The following SFSWAP variants were observed in gnomAD, a reference collection of about 807,000 sequenced individuals.
SFSWAP encodes splicing factor, suppressor of white-apricot homolog.
Under a neutral mutation model 100.7 loss-of-function variants are expected in SFSWAP, and 17 were observed. That is an observed-to-expected ratio of 0.17 (90% confidence interval 0.12 to 0.25). The LOEUF (loss-of-function observed/expected upper bound fraction) is 0.25. SFSWAP is among the 10% of genes least tolerant of loss of function. SFSWAP has a pLI of 1.00. For missense variants in SFSWAP, 1,005 were observed against 1,262.6 expected (o/e 0.80, Z 3.09); for synonymous variants, 504 against 510.1 (o/e 0.99, Z 0.16).
At chr12:131,732,203 C>T (rs1031699660) in intron 7 of SFSWAP, among the ~76,000 whole-genome samples, 1 of 152,160 alleles carries the variant, frequency 6.6e-6, no homozygotes, top group African/African-American at 2.4e-5. Flanking sequence ...GCCACCGCAC[C>T]CAGCCGTGTT....
At chr12:131,715,091 G>T in intron 3 of SFSWAP, 138 bp downstream of exon 3, 1 of 760,144 alleles carries the variant, frequency 1.3e-6, no homozygotes, top group Non-Finnish European at 2.1e-6. Context: ...AAACGGGAGT[G>T]ATATTCCTTC....
intron 7 of SFSWAP, among the ~76,000 whole-genome samples, chr12:131,739,380 A>G (rs989722441): frequency 1.3e-5 from 2 of 152,144 alleles, no homozygotes; most frequent in African/African-American, 4.8e-5. Flanking sequence ...AACCATTTAA[A>G]ATGATTTGAA....
At chr12:131,712,648 T>G (rs1877485576) in intron 1 of SFSWAP, 1 of 152,216 alleles carries the variant, frequency 6.6e-6, no homozygotes, top group Non-Finnish European at 1.5e-5. Flanking sequence ...CCTTTTGGAA[T>G]TAGAGCTCGA....
intron 16 of SFSWAP, 101 bp from the exon 17 acceptor site, chr12:131,798,936 C>G (rs1858918677): frequency 2.5e-6 from 2 of 797,104 alleles, no homozygotes; most frequent in Non-Finnish European, 4.4e-6. Flanking sequence ...GGGCACTTCT[C>G]AGTTCTAGAG....
chr12:131,798,079 A>G (rs150959939), intron 16 of SFSWAP, among the ~76,000 whole-genome samples: 2,431 of 152,262 alleles, frequency 0.016, 69 homozygotes, highest in African/African-American at 0.052. Context: ...CGTGGCTCAT[A>G]CCTGTAATCC....
intron 17 of SFSWAP, 125 bp downstream of exon 17, chr12:131,799,234 AC>A: frequency 9.8e-7 from 1 of 1,024,350 alleles, no homozygotes; most frequent in Non-Finnish European, 1.5e-6. Context: ...CGGGCAAAAT[AC>A]CACAGGCTCT....
At chr12:131,791,012 T>C (rs993568039) in intron 15 of SFSWAP, among the ~76,000 whole-genome samples, 3 of 152,202 alleles carry the variant, frequency 2.0e-5, no homozygotes, top group Non-Finnish European at 4.4e-5. Flanking sequence ...AACAAGATTG[T>C]AGACTTAAAA....
chr12:131,731,899 TA>T (rs1879545093), intron 7 of SFSWAP, among the ~76,000 whole-genome samples: 1 of 141,138 alleles, frequency 7.1e-6, no homozygotes, highest in African/African-American at 2.5e-5. Flanking sequence ...ATTACTATTT[TA>T]CTTTTTTTTT....
At chr12:131,772,807 C>T (rs1450921600) in intron 13 of SFSWAP, among the ~76,000 whole-genome samples, 3 of 152,114 alleles carry the variant, frequency 2.0e-5, no homozygotes, top group East Asian at 1.9e-4. Context: ...AGTTCTTGTC[C>T]GGCGTCCAGC....
chr12:131,749,774 A>G (rs980316601), intron 7 of SFSWAP, among the ~76,000 whole-genome samples: 1 of 152,218 alleles, frequency 6.6e-6, no homozygotes, highest in African/African-American at 2.4e-5. Context: ...TGAGCGGCTA[A>G]GGTTTTGTGG....
chr12:131,755,299 C>T lies in SFSWAP; in HGVS notation c.1455-87C>T, dbSNP rs1882054558. On this transcript the variant is annotated intron_variant, in intron 9 of 17. Coordinates refer to ENST00000261674, the MANE Select transcript of SFSWAP (RefSeq NM_004592.4). ...AACCACCTTGTGGGATTGTTGAGAT[C>T]AGTAAAGAGCTAGGAGAACAGGGCC... 22 of 888,202 alleles carry T rather than the reference C, an allele frequency of 2.5e-5. No individual in the cohort carries two copies. The South Asian group carries it at 2.9e-4, about 12-fold the overall frequency. The allele number at this position is 888,202 out of a possible 1,614,324, so 55.0% of individuals were successfully genotyped here.
chr12:131,773,354 C>G (rs917221603), intron 13 of SFSWAP, among the ~76,000 whole-genome samples: 2 of 151,580 alleles, frequency 1.3e-5, no homozygotes, highest in Admixed American at 6.6e-5. Context: ...TTTTCTTTTT[C>G]TTTTTGAGAG....
intron 15 of SFSWAP, among the ~76,000 whole-genome samples, chr12:131,793,865 A>G (rs1020008357): frequency 4.6e-5 from 7 of 152,074 alleles, no homozygotes; most frequent in African/African-American, 1.7e-4. Context: ...CCAACGAGAC[A>G]GGACTAGACG....
At chr12:131,739,288 C>T (rs1156891657) in intron 7 of SFSWAP, among the ~76,000 whole-genome samples, 1 of 152,114 alleles carries the variant, frequency 6.6e-6, no homozygotes, top group Non-Finnish European at 1.5e-5. Flanking sequence ...TAAAGTATTA[C>T]CAGTGACTGA....
intron 7 of SFSWAP, among the ~76,000 whole-genome samples, chr12:131,742,199 C>T (rs1880707458): frequency 6.6e-6 from 1 of 152,218 alleles, no homozygotes; most frequent in Non-Finnish European, 1.5e-5. Flanking sequence ...GTTCTCCTCA[C>T]TGTCAGGATC....
chr12:131,723,614 T>A (rs1374293494), intron 4 of SFSWAP, among the ~76,000 whole-genome samples: 2 of 152,202 alleles, frequency 1.3e-5, no homozygotes, highest in Non-Finnish European at 2.9e-5. Context: ...CCACTGCCCC[T>A]GGGGTTCCTT....
chr12:131,726,909 C>T (rs770033790), intron 5 of SFSWAP, 31 bp from the exon 6 acceptor site: 1 of 1,363,400 alleles, frequency 7.3e-7, no homozygotes, highest in Non-Finnish European at 1.0e-6. Context: ...TCACCAAACA[C>T]CAAAATCTTG....
intron 3 of SFSWAP, among the ~76,000 whole-genome samples, chr12:131,719,015 T>C (rs1267965375): frequency 6.6e-6 from 1 of 152,132 alleles, no homozygotes; most frequent in African/African-American, 2.4e-5. Flanking sequence ...TAGGTCCGCT[T>C]GTATGAGGAT....
At chr12:131,723,438 C>T (rs1362636968) in intron 4 of SFSWAP, 2 of 152,158 alleles carry the variant, frequency 1.3e-5, no homozygotes, top group Non-Finnish European at 2.9e-5. Context: ...TGGAAGGCTT[C>T]CCACCCACAA....
Sources: gnomAD v4.1 joint callset for allele counts (sites outside exome capture counted in the v4.1 genomes callset) on GRCh38, gnomAD v4.1.1 for gene constraint, MANE v1.5 for transcripts, NCBI Gene and HGNC (gene_info 2026-07-23, HGNC 2026-07-21) for gene names.